PCDHA11: variants seen among roughly 807,000 people sequenced by gnomAD.
The protein encoded by PCDHA11 is protocadherin alpha-11.
In PCDHA11, 61 loss-of-function variants were observed where a neutral mutation model predicts 70.3. That is an observed-to-expected ratio of 0.87 (90% confidence interval 0.71 to 1.07). The LOEUF is 1.07. PCDHA11 is among the 50% of genes least tolerant of loss of function. The pLI is 0.00. For synonymous variants in PCDHA11, 633 were observed against 555.1 expected, an observed-to-expected ratio of 1.14 and a Z score of -1.97; for missense variants, 1,324 against 1,237.5, an observed-to-expected ratio of 1.07 and a Z score of -1.05.
intron 3 of PCDHA11, among the ~76,000 whole-genome samples, chr5:140,984,356 A>G (rs556586072): frequency 1.3e-5 from 2 of 152,362 alleles, no homozygotes; most frequent in African/African-American, 4.8e-5. Flanking sequence ...GATATTTCAT[A>G]CATCTGGCCA....
chr5:140,870,723 C>A lies in PCDHA11; in HGVS notation c.1620C>A (p.Gly540=). The A allele has an allele frequency of 1.9e-6, 3 of 1,613,170 alleles. No individual in the cohort carries two copies. The highest frequency in any genetic ancestry group is 4.5e-5 in the East Asian group (2 of 44,866). Residue 540 remains glycine, a synonymous_variant, in exon 1 of 4, where the codon GGC becomes GGA. Transcript: ENST00000398640. The stretch of plus-strand genomic sequence containing the variant: ...TCCAGGTGAGCGCGCGCGATGCGGG[C>A]GTGCCGCCTCTGAGCAGCAACGTGA... ...LQFQVSARDA[G]VPPLSSNVTL...
At position 141,010,386 on chromosome 5, in the gene PCDHA11, T is replaced by C; in HGVS notation, c.*449T>C. On this transcript the variant is annotated 3_prime_UTR_variant, in exon 4 of 4. Coordinates refer to ENST00000398640, the MANE Select transcript of PCDHA11 (RefSeq NM_018902.5). ...GGGTATGCGAGTGCCAGATATTGGCTGAGACGAGCCAGCTTAGACTAATTG... is the reference window on the plus strand; with the variant it reads ...GGGTATGCGAGTGCCAGATATTGGCCGAGACGAGCCAGCTTAGACTAATTG... The C allele has an allele frequency of 7.1e-7, 1 of 1,413,970 alleles. No homozygotes were observed. The highest frequency in any genetic ancestry group is 9.4e-7 in the Non-Finnish European group (1 of 1,063,616). 87.6% of individuals were successfully genotyped at this position (1,413,970 alleles called of 1,614,324 possible). A position where few individuals can be genotyped will look rare whatever the true frequency, so the allele number is the denominator to read the frequency against.
intron 1 of PCDHA11, chr5:140,876,755 G>C (rs782037862): frequency 1.9e-6 from 3 of 1,614,248 alleles, no homozygotes; most frequent in Non-Finnish European, 1.7e-6. Flanking sequence ...GTGACTGCGC[G>C]GGATGGGGGC....
chr5:140,877,118 T>C, intron 1 of PCDHA11: 1 of 1,613,690 alleles, frequency 6.2e-7, no homozygotes, highest in South Asian at 1.1e-5. Flanking sequence ...GGCAGCAACG[T>C]GACGCTGCAG....
At chr5:140,913,003 T>C (rs1049022016) in intron 1 of PCDHA11, among the ~76,000 whole-genome samples, 29 of 152,204 alleles carry the variant, frequency 1.9e-4, no homozygotes, top group African/African-American at 7.0e-4. Flanking sequence ...TAGTATTTTG[T>C]TGAGGATTTT....
At chr5:140,969,346 AG>A (rs2096322383) in intron 1 of PCDHA11, 1 of 1,613,510 alleles carries the variant, frequency 6.2e-7, no homozygotes, top group African/African-American at 1.3e-5. Flanking sequence ...GACAGTGGTC[AG>A]GGGGTCTTCT....
chr5:140,906,534 A>G (rs7704223), intron 1 of PCDHA11, among the ~76,000 whole-genome samples: 49,309 of 152,142 alleles, frequency 0.32, 8,308 homozygotes, highest in East Asian at 0.53. Flanking sequence ...GACAATTAAA[A>G]TCCTCATTTC....
chr5:140,883,109 T>C (rs782237873), intron 1 of PCDHA11: 95 of 1,613,962 alleles, frequency 5.9e-5, no homozygotes, highest in Non-Finnish European at 8.0e-5. Context: ...AGTTTACTCA[T>C]TTAGAAGGCC....
intron 1 of PCDHA11, among the ~76,000 whole-genome samples, chr5:140,886,663 T>G (rs1164928390): frequency 6.6e-6 from 1 of 151,786 alleles, no homozygotes; most frequent in Non-Finnish European, 1.5e-5. Flanking sequence ...CTGTCTCTAC[T>G]AAAAATACAA....
intron 1 of PCDHA11, chr5:140,967,846 C>A: frequency 6.2e-7 from 1 of 1,614,166 alleles, no homozygotes; most frequent in Non-Finnish European, 8.5e-7. Context: ...ACGTGAATGA[C>A]AATGCCCCAG....
chr5:140,884,821 G>T (rs1470699415), intron 1 of PCDHA11: 1 of 1,011,638 alleles, frequency 9.9e-7, no homozygotes, highest in Admixed American at 3.4e-5. Context: ...TGGACATTAT[G>T]TGTTGGATTA....
chr5:140,876,662 T>G (rs782771484), intron 1 of PCDHA11: 23 of 1,614,114 alleles, frequency 1.4e-5, no homozygotes, highest in Non-Finnish European at 1.9e-5. Context: ...CCCTTCAAGC[T>G]GGTGTCCACC....
At chr5:140,873,722 G>A (rs371744747) in intron 1 of PCDHA11, among the ~76,000 whole-genome samples, 2 of 152,198 alleles carry the variant, frequency 1.3e-5, no homozygotes, top group South Asian at 2.1e-4. Flanking sequence ...GTGCAGTGGC[G>A]CAATCTCAGC....
At chr5:140,976,298 C>A (rs2096709941) in intron 1 of PCDHA11, among the ~76,000 whole-genome samples, 1 of 152,036 alleles carries the variant, frequency 6.6e-6, no homozygotes, top group African/African-American at 2.4e-5. Context: ...AGCCTGTAAT[C>A]CCAGCACTTT....
chr5:140,967,240 C>T, intron 1 of PCDHA11: 1 of 1,613,644 alleles, frequency 6.2e-7, no homozygotes, highest in African/African-American at 1.3e-5. Flanking sequence ...TTCAGGTAAG[C>T]GAATCGGTGG....
intron 1 of PCDHA11, among the ~76,000 whole-genome samples, chr5:140,911,469 A>T (rs1365800005): frequency 3.3e-5 from 5 of 151,880 alleles, no homozygotes; most frequent in African/African-American, 9.7e-5. Context: ...AGGAGATAAG[A>T]CTCTCACTCA....
chr5:140,926,539 G>A (rs910445315), intron 1 of PCDHA11: 2 of 216,944 alleles, frequency 9.2e-6, no homozygotes, highest in Non-Finnish European at 1.8e-5. Flanking sequence ...AGCCAGCGTG[G>A]TGGTCGAGAC....
At chr5:140,881,335 C>A in intron 1 of PCDHA11, 1 of 984,916 alleles carries the variant, frequency 1.0e-6, no homozygotes, top group Non-Finnish European at 1.2e-6. Context: ...ACCAGGACGC[C>A]GATTCGGGCT....
intron 1 of PCDHA11, chr5:140,883,898 C>A (rs781898009): frequency 6.2e-7 from 1 of 1,613,344 alleles, no homozygotes; most frequent in South Asian, 1.1e-5. Flanking sequence ...TGGCGTGCCG[C>A]CTCTGGGCAG....
Sources: gnomAD v4.1 joint callset for allele counts (sites outside exome capture counted in the v4.1 genomes callset) on GRCh38, gnomAD v4.1.1 for gene constraint, MANE v1.5 for transcripts, NCBI Gene and HGNC (gene_info 2026-07-23, HGNC 2026-07-21) for gene names.